GPM6A: variants seen among roughly 807,000 people sequenced by gnomAD.
The protein encoded by GPM6A is glycoprotein M6A, also known as neuronal membrane glycoprotein M6-a.
GPM6A carries 7 observed loss-of-function variants against 32.1 expected under a neutral mutation model. The observed-to-expected ratio is 0.22, with a 90% CI of 0.12 to 0.41. GPM6A has a LOEUF of 0.41. Ranked by LOEUF, GPM6A falls within the 10% of genes least tolerant of loss-of-function variation. The probability of loss-of-function intolerance (pLI) is 1.00; values close to 1 mark genes in which losing one functional copy is unlikely to be tolerated. For synonymous variants in GPM6A, 130 were observed against 123.4 expected, an observed-to-expected ratio of 1.05 and a Z score of -0.35; for missense variants, 235 against 347.2, an observed-to-expected ratio of 0.68 and a Z score of 2.57.
rs117865489 is a variant in GPM6A at position 175,947,620 on chromosome 4, C to T, written c.-23+54689G>A. 94 of 152,202 alleles carry T rather than the reference C, an allele frequency of 6.2e-4. 1 individual carries two copies. In the East Asian group the frequency reaches 0.016, roughly 26 times the overall value. The allele number at this position is 152,202 out of a possible 1,614,324, so 9.4% of individuals were successfully genotyped here. ...GAGCATTTGTGTTGTAATACGTATT[C>T]TGCAAATGTTCTTGCATTCATTACC... On this transcript the variant is annotated intron_variant, in intron 1 of 7. Transcript: ENST00000280187.
chr4:175,788,189 A>T (rs1001529928), intron 1 of GPM6A: 3 of 152,220 alleles, frequency 2.0e-5, no homozygotes, highest in Admixed American at 6.6e-5. Flanking sequence ...GTGTCTGAAT[A>T]GGGAAGAGCA....
chr4:175,940,182 T>C (rs1300870264), intron 1 of GPM6A, among the ~76,000 whole-genome samples: 3 of 152,172 alleles, frequency 2.0e-5, no homozygotes, highest in Non-Finnish European at 2.9e-5. Context: ...CGTACATTGA[T>C]TCTTTTTGAA....
chr4:175,790,719 T>C (rs1733979418), intron 1 of GPM6A, among the ~76,000 whole-genome samples: 1 of 152,220 alleles, frequency 6.6e-6, no homozygotes, highest in Non-Finnish European at 1.5e-5. Flanking sequence ...TTTTCGTTAT[T>C]GTTTTAAAAA....
intron 1 of GPM6A, among the ~76,000 whole-genome samples, chr4:175,797,926 C>T (rs897339283): frequency 3.3e-5 from 5 of 152,082 alleles, no homozygotes; most frequent in Non-Finnish European, 7.4e-5. Context: ...CAATAATCTA[C>T]AAGACTCTAA....
chr4:175,855,397 A>T (rs1196224333), intron 1 of GPM6A, among the ~76,000 whole-genome samples: 1 of 152,210 alleles, frequency 6.6e-6, no homozygotes, highest in Non-Finnish European at 1.5e-5. Flanking sequence ...ATATTAGGAC[A>T]GAGGATCCCA....
intron 1 of GPM6A, among the ~76,000 whole-genome samples, chr4:175,725,995 T>TC (rs1746385454): frequency 1.4e-5 from 2 of 141,910 alleles, no homozygotes; most frequent in Admixed American, 7.0e-5. Flanking sequence ...TGTTTCTTCT[T>TC]TTTTTTTTTT....
At chr4:176,001,916 C>G (rs542539833) in intron 1 of GPM6A, among the ~76,000 whole-genome samples, 1 of 152,310 alleles carries the variant, frequency 6.6e-6, no homozygotes, top group South Asian at 2.1e-4. Flanking sequence ...ACAGAGATCT[C>G]CCTGTAATCG....
intron 1 of GPM6A, among the ~76,000 whole-genome samples, chr4:175,746,484 A>AT (rs908501614): frequency 1.4e-4 from 21 of 152,158 alleles, no homozygotes; most frequent in South Asian, 4.1e-4. Context: ...TTAAAATCTA[A>AT]TTTTTTTTAA....
chr4:175,787,371 C>T, intron 1 of GPM6A: 1 of 1,535,196 alleles, frequency 6.5e-7, no homozygotes, highest in Non-Finnish European at 8.7e-7. Flanking sequence ...ATGCTGCCGG[C>T]CGCTGGCTCC....
At chr4:175,752,856 C>A (rs1429361699) in intron 1 of GPM6A, among the ~76,000 whole-genome samples, 1 of 152,176 alleles carries the variant, frequency 6.6e-6, no homozygotes, top group Admixed American at 6.6e-5. Context: ...CTTCATGAAG[C>A]TGTGTTAAGG....
intron 1 of GPM6A, among the ~76,000 whole-genome samples, chr4:175,734,620 T>C (rs1021395867): frequency 4.6e-5 from 7 of 152,124 alleles, no homozygotes; most frequent in Non-Finnish European, 1.0e-4. Flanking sequence ...ATGCCTGTAA[T>C]CACAGCACTT....
At chr4:175,813,238 A>G (rs1263306415), upstream of GPM6A, 1 of 202,768 alleles carries the variant, frequency 4.9e-6, no homozygotes, top group East Asian at 1.9e-4. Context: ...GATGTAAGGG[A>G]GGAACAAATT....
chr4:175,955,592 G>A (rs180673587), intron 1 of GPM6A, among the ~76,000 whole-genome samples: 10 of 152,232 alleles, frequency 6.6e-5, no homozygotes, highest in Admixed American at 5.9e-4. Flanking sequence ...TTTATTTTCA[G>A]GTTTTCAGTT....
At chr4:175,660,091 G>C (rs1251049322) in intron 3 of GPM6A, among the ~76,000 whole-genome samples, 5 of 151,912 alleles carry the variant, frequency 3.3e-5, no homozygotes, top group South Asian at 4.2e-4. Flanking sequence ...GATTTTGGGG[G>C]AGAGCAAAAT....
chr4:175,942,416 A>T (rs909587512), intron 1 of GPM6A, among the ~76,000 whole-genome samples: 1 of 152,052 alleles, frequency 6.6e-6, no homozygotes, highest in Non-Finnish European at 1.5e-5. Flanking sequence ...TTTTGTTGCC[A>T]TTGCTTTTGG....
At chr4:175,921,504 A>C (rs772107678) in intron 1 of GPM6A, among the ~76,000 whole-genome samples, 1 of 124,572 alleles carries the variant, frequency 8.0e-6, no homozygotes, top group Non-Finnish European at 1.8e-5. Context: ...AAAATCATGG[A>C]CCATCATTCC....
chr4:175,812,030 G>T, intron 1 of GPM6A, 161 bp downstream of exon 1: 1 of 566,568 alleles, frequency 1.8e-6, no homozygotes, highest in African/African-American at 1.9e-5. Context: ...CAACATTCGT[G>T]CCAGACATTA....
chr4:175,834,453 T>C (rs1438711105), intron 1 of GPM6A, among the ~76,000 whole-genome samples: 5 of 152,218 alleles, frequency 3.3e-5, no homozygotes, highest in African/African-American at 1.2e-4. Context: ...TCCACTAGCC[T>C]ATTCACAGTT....
intron 1 of GPM6A, among the ~76,000 whole-genome samples, chr4:175,824,124 A>G (rs760371014): frequency 2.0e-5 from 3 of 152,040 alleles, no homozygotes; most frequent in Non-Finnish European, 2.9e-5. Context: ...CCCGGAAAAC[A>G]TTTTCTCAAG....
Sources: gnomAD v4.1 joint callset for allele counts (sites outside exome capture counted in the v4.1 genomes callset) on GRCh38, gnomAD v4.1.1 for gene constraint, MANE v1.5 for transcripts, NCBI Gene and HGNC (gene_info 2026-07-23, HGNC 2026-07-21) for gene names.